IKZF2: variants seen among roughly 807,000 people sequenced by gnomAD.
IKZF2 encodes IKAROS family zinc finger 2.
A neutral mutation model predicts 49.2 loss-of-function variants in IKZF2; 15 were observed. The observed-to-expected ratio is 0.30, with a 90% CI of 0.20 to 0.47. The LOEUF (loss-of-function observed/expected upper bound fraction) is 0.47, where lower values mean the gene tolerates loss of function less well. Among genes scored for constraint, IKZF2 ranks in the 20% least tolerant of loss-of-function variants. The probability of loss-of-function intolerance (pLI) is 1.00; values close to 1 mark genes in which losing one functional copy is unlikely to be tolerated. For synonymous variants in IKZF2, 227 were observed against 221.4 expected, an observed-to-expected ratio of 1.03 and a Z score of -0.23; for missense variants, 567 against 664.6, an observed-to-expected ratio of 0.85 and a Z score of 1.61.
At chr2:213,103,184 A>G (rs1487038424) in intron 4 of IKZF2, among the ~76,000 whole-genome samples, 1 of 152,170 alleles carries the variant, frequency 6.6e-6, no homozygotes, top group Non-Finnish European at 1.5e-5. Context: ...TTATTCATAC[A>G]AGGTCACTCA....
chr2:213,029,466 C>T (rs1249111338), intron 6 of IKZF2, among the ~76,000 whole-genome samples: 1 of 151,912 alleles, frequency 6.6e-6, no homozygotes, highest in East Asian at 1.9e-4. Flanking sequence ...ATTATGCCTC[C>T]AATGGCTACA....
chr2:213,029,693 T>C (rs567884909), intron 6 of IKZF2, among the ~76,000 whole-genome samples: 1 of 152,188 alleles, frequency 6.6e-6, no homozygotes, highest in East Asian at 1.9e-4. Context: ...AAACCCTGTT[T>C]TGGGTTTCAA....
Position 213,005,297 on chromosome 2 carries a change from C to CTA in IKZF2, c.*2061_*2062dup, listed in dbSNP as rs1695259691. On this transcript the variant is annotated 3_prime_UTR_variant, in exon 9 of 9. Transcript: ENST00000434687. ...AAAAAAAAATGAAATGGTTGACATT[C>CTA]TATATATCTCTGTTTTGGTGCATTC... 1 of 150,596 alleles carries CTA rather than the reference C, an allele frequency of 6.6e-6. No individual in the cohort carries two copies. The highest frequency in any genetic ancestry group is 1.5e-5 in the Non-Finnish European group (1 of 67,758). 9.3% of individuals were successfully genotyped at this position (150,596 alleles called of 1,614,324 possible).
chr2:213,035,738 G>A lies in IKZF2; in HGVS notation c.575-13608C>T, dbSNP rs145851639. ...GAAGATCAGACAGTAGAAGTGGGCAGAACCACCAATGGCCATGATTAGTAG... is the reference window on the plus strand; with the variant it reads ...GAAGATCAGACAGTAGAAGTGGGCAAAACCACCAATGGCCATGATTAGTAG... On this transcript the variant is annotated intron_variant, in intron 6 of 8. Transcript: ENST00000434687. Among the ~76,000 whole-genome samples, 29 of 152,258 alleles carry A rather than the reference G, an allele frequency of 1.9e-4. No homozygotes were observed. The East Asian group carries it at 5.6e-3, about 29-fold the overall frequency.
chr2:213,055,701 G>A (rs1254445665), intron 5 of IKZF2, among the ~76,000 whole-genome samples: 1 of 151,964 alleles, frequency 6.6e-6, no homozygotes, highest in Non-Finnish European at 1.5e-5. Context: ...TCTAGCTTCA[G>A]CAATGCCTTT....
chr2:213,017,033 G>T (rs182522020), intron 7 of IKZF2: 6 of 151,992 alleles, frequency 3.9e-5, no homozygotes, highest in East Asian at 3.9e-4. Flanking sequence ...AATTTTCTCC[G>T]TGTTACCCGA....
At chr2:213,034,772 T>C (rs1487730636) in intron 6 of IKZF2, among the ~76,000 whole-genome samples, 2 of 152,132 alleles carry the variant, frequency 1.3e-5, no homozygotes, top group East Asian at 1.9e-4. Flanking sequence ...AGACATGAGG[T>C]GAGCATGTGT....
intron 7 of IKZF2, among the ~76,000 whole-genome samples, chr2:213,019,637 G>T (rs1427116106): frequency 6.6e-6 from 1 of 152,158 alleles, no homozygotes; most frequent in African/African-American, 2.4e-5. Context: ...CAGTATTTAA[G>T]AATATTTGTT....
chr2:213,126,380 C>G (rs961571599), intron 4 of IKZF2, among the ~76,000 whole-genome samples: 1 of 152,110 alleles, frequency 6.6e-6, no homozygotes, highest in South Asian at 2.1e-4. Flanking sequence ...TGCCTTAATC[C>G]TAGCTTCCCA....
At chr2:213,118,233 T>C (rs994632047) in intron 4 of IKZF2, among the ~76,000 whole-genome samples, 2 of 152,226 alleles carry the variant, frequency 1.3e-5, no homozygotes, top group African/African-American at 4.8e-5. Context: ...TTTCCATTTT[T>C]AAGGATATTT....
At chr2:213,064,741 T>TTAA (rs112468057) in intron 4 of IKZF2, among the ~76,000 whole-genome samples, 7 of 151,432 alleles carry the variant, frequency 4.6e-5, no homozygotes, top group Non-Finnish European at 7.4e-5. Flanking sequence ...GTCTTGCACA[T>TTAA]CTGTTTTTGC....
At chr2:213,009,031 G>A (rs900427017) in intron 8 of IKZF2, among the ~76,000 whole-genome samples, 3 of 151,818 alleles carry the variant, frequency 2.0e-5, no homozygotes, top group Non-Finnish European at 2.9e-5. Context: ...TCATAAACTC[G>A]GAAAATCTTG....
At chr2:213,099,371 T>G (rs1450904916) in intron 4 of IKZF2, among the ~76,000 whole-genome samples, 1 of 152,152 alleles carries the variant, frequency 6.6e-6, no homozygotes, top group African/African-American at 2.4e-5. Context: ...TCTCATCTGC[T>G]TTTTTTGAAA....
chr2:213,144,513 A>G (rs1449003391), intron 4 of IKZF2, among the ~76,000 whole-genome samples: 2 of 151,922 alleles, frequency 1.3e-5, no homozygotes, highest in Non-Finnish European at 2.9e-5. Context: ...AAACAGAAGG[A>G]ATCACAAAGT....
At chr2:213,030,518 T>A (rs1698298320) in intron 6 of IKZF2, among the ~76,000 whole-genome samples, 1 of 152,158 alleles carries the variant, frequency 6.6e-6, no homozygotes, top group African/African-American at 2.4e-5. Context: ...GGATGAATGT[T>A]AAATGTTTAA....
At chr2:213,042,956 C>G (rs904113407) in intron 6 of IKZF2, among the ~76,000 whole-genome samples, 3 of 152,132 alleles carry the variant, frequency 2.0e-5, no homozygotes, top group Non-Finnish European at 4.4e-5. Context: ...TCTACAATCT[C>G]TTTTTGCTTA....
intron 4 of IKZF2, among the ~76,000 whole-genome samples, chr2:213,080,917 T>C (rs749055320): frequency 6.6e-6 from 1 of 152,186 alleles, no homozygotes; most frequent in African/African-American, 2.4e-5. Flanking sequence ...TCTTGACCTA[T>C]TGTTAAATTA....
intron 4 of IKZF2, among the ~76,000 whole-genome samples, chr2:213,098,145 C>G (rs957859544): frequency 2.0e-5 from 3 of 151,994 alleles, no homozygotes; most frequent in African/African-American, 4.8e-5. Context: ...TGAGCCCTAC[C>G]CCTATTTTTA....
At chr2:213,126,415 TAATA>T (rs2060261070) in intron 4 of IKZF2, among the ~76,000 whole-genome samples, 1 of 152,180 alleles carries the variant, frequency 6.6e-6, no homozygotes, top group Middle Eastern at 3.2e-3. Flanking sequence ...GAGGTACCGG[TAATA>T]AATAAACATT....
Sources: gnomAD v4.1 joint callset for allele counts (sites outside exome capture counted in the v4.1 genomes callset) on GRCh38, gnomAD v4.1.1 for gene constraint, MANE v1.5 for transcripts, NCBI Gene and HGNC (gene_info 2026-07-23, HGNC 2026-07-21) for gene names.